The following PTK2 variants were observed in gnomAD, a reference collection of about 807,000 sequenced individuals.
The protein encoded by PTK2 is protein tyrosine kinase 2.
Under a neutral mutation model 150.1 loss-of-function variants are expected in PTK2, and 45 were observed. The ratio of observed to expected loss-of-function variants is 0.30; its 90% confidence interval spans 0.24 to 0.38. The LOEUF is 0.38. PTK2 is among the 10% of genes least tolerant of loss of function. The pLI, the probability that PTK2 is intolerant of heterozygous loss-of-function variation, is 1.00. For synonymous variants in PTK2, 432 were observed against 449.2 expected (o/e 0.96, Z 0.48); for missense variants, 919 against 1,307.3 (o/e 0.70, Z 4.58).
intron 2 of PTK2, chr8:140,920,717 A>C (rs2100167065): frequency 8.5e-7 from 1 of 1,171,216 alleles, no homozygotes; most frequent in Non-Finnish European, 1.1e-6. Flanking sequence ...TTTAACTGTA[A>C]ATATATTGAA....
intron 12 of PTK2, among the ~76,000 whole-genome samples, chr8:140,799,999 A>G (rs2100093986): frequency 6.6e-6 from 1 of 152,154 alleles, no homozygotes; most frequent in Admixed American, 6.6e-5. Flanking sequence ...TATTCATTCT[A>G]ATCTTTGATT....
chr8:140,701,000 C>T (rs370847963), exon 26 of PTK2: 11 of 1,613,852 alleles, frequency 6.8e-6, no homozygotes, highest in South Asian at 3.3e-5. Context: ...CCCAATCCCT[C>T]GCAGGTCCAA....
intron 14 of PTK2, among the ~76,000 whole-genome samples, chr8:140,768,447 A>C (rs578118658): frequency 2.0e-4 from 30 of 152,356 alleles, no homozygotes; most frequent in African/African-American, 7.0e-4. Context: ...CAACCACTTG[A>C]GACCTTTCCC....
intron 11 of PTK2, among the ~76,000 whole-genome samples, chr8:140,802,100 A>C (rs936476056): frequency 5.9e-5 from 9 of 152,096 alleles, no homozygotes; most frequent in Non-Finnish European, 1.0e-4. Flanking sequence ...AAAAAGTTAA[A>C]TGTAAAACAG....
At chr8:140,700,563 A>C (rs2100029644) in intron 26 of PTK2, among the ~76,000 whole-genome samples, 1 of 150,832 alleles carries the variant, frequency 6.6e-6, no homozygotes, top group Admixed American at 6.6e-5. Flanking sequence ...GGCTCACTGC[A>C]ACCTCCACCT....
chr8:140,886,541 C>T (rs2100152379), intron 3 of PTK2, among the ~76,000 whole-genome samples: 1 of 152,188 alleles, frequency 6.6e-6, no homozygotes, highest in South Asian at 2.1e-4. Context: ...AGACAGCATA[C>T]AAGGCAGCAA....
chr8:140,809,626 A>T (rs2100100238), intron 10 of PTK2, among the ~76,000 whole-genome samples: 1 of 152,134 alleles, frequency 6.6e-6, no homozygotes, highest in Non-Finnish European at 1.5e-5. Flanking sequence ...GCAACATGGC[A>T]AAACCCCCTC....
chr8:140,774,278 A>C (rs1215805842), intron 14 of PTK2, among the ~76,000 whole-genome samples: 1 of 152,196 alleles, frequency 6.6e-6, no homozygotes, highest in Non-Finnish European at 1.5e-5. Flanking sequence ...TCACCAGCAA[A>C]AGCTGCAGTT....
At chr8:140,674,613 C>T (rs548091440) in intron 28 of PTK2, among the ~76,000 whole-genome samples, 10 of 152,138 alleles carry the variant, frequency 6.6e-5, no homozygotes, top group South Asian at 2.1e-4. Context: ...GTGGCACATG[C>T]CTGTAATCCC....
intron 1 of PTK2, among the ~76,000 whole-genome samples, chr8:140,972,040 G>A (rs1264300224): frequency 2.0e-5 from 3 of 152,118 alleles, no homozygotes; most frequent in Non-Finnish European, 2.9e-5. Context: ...GATGTATCCT[G>A]TCAGGATTAA....
intron 5 of PTK2, among the ~76,000 whole-genome samples, chr8:140,862,791 T>C (rs1278324992): frequency 2.6e-5 from 4 of 152,174 alleles, no homozygotes; most frequent in African/African-American, 4.8e-5. Flanking sequence ...TAAGGCCTGA[T>C]GATCTGAGGT....
At chr8:140,668,569 G>C in intron 29 of PTK2, 145 bp from the exon 34 acceptor site, 1 of 877,518 alleles carries the variant, frequency 1.1e-6, no homozygotes, top group Non-Finnish European at 1.7e-6. Flanking sequence ...ATATAGTTCA[G>C]ATTGAGAATG....
chr8:140,982,765 C>A (rs928863033), intron 1 of PTK2, among the ~76,000 whole-genome samples: 1 of 152,118 alleles, frequency 6.6e-6, no homozygotes, highest in Non-Finnish European at 1.5e-5. Flanking sequence ...TGTTAGCGTA[C>A]GTTTTCAGAA....
At chr8:140,872,122 G>A (rs2100142909) in intron 4 of PTK2, among the ~76,000 whole-genome samples, 1 of 152,122 alleles carries the variant, frequency 6.6e-6, no homozygotes, top group African/African-American at 2.4e-5. Context: ...TCAGCTCACT[G>A]CAACCTCCAC....
intron 28 of PTK2, among the ~76,000 whole-genome samples, chr8:140,674,768 T>C (rs2100012591): frequency 1.3e-5 from 2 of 151,232 alleles, no homozygotes; most frequent in South Asian, 2.1e-4. Flanking sequence ...GAAAGAAGGC[T>C]GAGCACAGTG....
rs191106420 is a variant in PTK2 at position 140,703,759 on chromosome 8, G to A, written c.2230-1052C>T. On this transcript the variant is annotated intron_variant, in intron 24 of 31. Transcript: ENST00000522684. ...GGACATAGAGAAAAATTTCAAGGCA[G>A]AGGGAAAATAAGATGGGTTTCTTTA... 2.6e-5 allele frequency among the ~76,000 whole-genome samples: 4 copies of A among 152,338 alleles called. No individual in the cohort carries two copies. In the East Asian group the frequency reaches 7.7e-4, roughly 29 times the overall value.
At chr8:140,947,763 G>C (rs917116632) in intron 1 of PTK2, among the ~76,000 whole-genome samples, 8 of 152,116 alleles carry the variant, frequency 5.3e-5, no homozygotes, top group African/African-American at 1.9e-4. Flanking sequence ...ATCTTGATGA[G>C]GCTTTGGGCC....
Position 140,800,447 on chromosome 8 carries a change from A to T in PTK2, c.1093+12T>A, listed in dbSNP as rs2100094327. The T allele has an allele frequency of 1.3e-6, 2 of 1,599,966 alleles. No individual in the cohort carries two copies. Among genetic ancestry groups the T allele is most frequent in the Non-Finnish European group, 1.7e-6 (2 of 1,167,192 alleles). On this transcript the variant is annotated intron_variant, in intron 12 of 31. Transcript: ENST00000522684. ...GAAGCGCAATTGGGAATGCTCAGAAACAGCACCTCACCTTTCTGAGGTCTG... is the reference window on the plus strand; with the variant it reads ...GAAGCGCAATTGGGAATGCTCAGAATCAGCACCTCACCTTTCTGAGGTCTG...
intron 2 of PTK2, among the ~76,000 whole-genome samples, chr8:140,904,903 G>T (rs1264197186): frequency 1.3e-5 from 2 of 151,092 alleles, no homozygotes; most frequent in Non-Finnish European, 2.9e-5. Flanking sequence ...TTCTTTATTC[G>T]TCTGGCTAGC....
Sources: gnomAD v4.1 joint callset for allele counts (sites outside exome capture counted in the v4.1 genomes callset) on GRCh38, gnomAD v4.1.1 for gene constraint, MANE v1.5 for transcripts, NCBI Gene and HGNC (gene_info 2026-07-23, HGNC 2026-07-21) for gene names.